The following ZNF91 variants were observed in gnomAD, a reference collection of about 807,000 sequenced individuals.
The protein encoded by ZNF91 is zinc finger protein 91 (HPF7, HTF10).
ZNF91 carries 7 observed loss-of-function variants against 12.6 expected under a neutral mutation model. The observed-to-expected ratio is 0.55, with a 90% CI of 0.31 to 1.04. The LOEUF (loss-of-function observed/expected upper bound fraction) is 1.04. ZNF91 is among the 50% of genes least tolerant of loss of function. The probability of loss-of-function intolerance (pLI) is 0.05; values close to 1 mark genes in which losing one functional copy is unlikely to be tolerated. For synonymous variants in ZNF91, 453 were observed against 462.6 expected, an observed-to-expected ratio of 0.98 and a Z score of 0.27; for missense variants, 1,217 against 1,385.4, an observed-to-expected ratio of 0.88 and a Z score of 1.93.
intron 1 of ZNF91, among the ~76,000 whole-genome samples, chr19:23,383,913 T>G (rs1294736579): frequency 1.3e-5 from 2 of 151,812 alleles, no homozygotes; most frequent in Non-Finnish European, 2.9e-5. Flanking sequence ...AGTTCGAGAC[T>G]AGCCTGACCA....
At chr19:23,374,795 C>A in intron 1 of ZNF91, 31 bp from the exon 2 acceptor site, 1 of 1,601,142 alleles carries the variant, frequency 6.2e-7, no homozygotes, top group Non-Finnish European at 8.5e-7. Context: ...CACATATTTA[C>A]AAAGTGGCTA....
intron 3 of ZNF91, among the ~76,000 whole-genome samples, chr19:23,306,574 G>A (rs1030684441): frequency 6.6e-6 from 1 of 152,200 alleles, no homozygotes; most frequent in Admixed American, 6.5e-5. Flanking sequence ...TCCCTTGTCT[G>A]TGTCTGGCCC....
intron 3 of ZNF91, chr19:23,339,144 G>T (rs2145879705): frequency 6.6e-6 from 1 of 151,468 alleles, no homozygotes; most frequent in South Asian, 2.1e-4. Flanking sequence ...CACCTTACTT[G>T]TAAGACACAT....
intron 3 of ZNF91, among the ~76,000 whole-genome samples, chr19:23,368,552 C>CTATATATA (rs1452832461): frequency 1.1e-4 from 9 of 79,232 alleles, no homozygotes; most frequent in African/African-American, 5.4e-4. Flanking sequence ...CTCTCTCTCT[C>CTATATATA]TCTCTCTCTC....
At chr19:23,318,120 T>C (rs1967607872) in intron 1 of ZNF91, among the ~76,000 whole-genome samples, 1 of 152,200 alleles carries the variant, frequency 6.6e-6, no homozygotes, top group Non-Finnish European at 1.5e-5. Flanking sequence ...CTAGGCCTTA[T>C]ATTCAGTTAA....
chr19:23,328,034 A>C (rs1006477051), intron 1 of ZNF91: 5 of 152,008 alleles, frequency 3.3e-5, no homozygotes, highest in Non-Finnish European at 7.4e-5. Flanking sequence ...GTTTTTTACT[A>C]CCAAATTTAC....
downstream of ZNF91, among the ~76,000 whole-genome samples, chr19:23,354,794 C>T (rs1392456554): frequency 6.6e-6 from 1 of 152,102 alleles, no homozygotes; most frequent in Admixed American, 6.6e-5. Context: ...GATTAATGTA[C>T]ACAACTCAGT....
chr19:23,345,783 G>T (rs1050380066), intron 3 of ZNF91, among the ~76,000 whole-genome samples: 2 of 151,984 alleles, frequency 1.3e-5, no homozygotes, highest in African/African-American at 4.8e-5. Flanking sequence ...CCAGTCAGCA[G>T]TATCCACTTC....
intron 1 of ZNF91, among the ~76,000 whole-genome samples, chr19:23,382,333 GAAGA>G (rs1969746977): frequency 6.6e-6 from 1 of 152,142 alleles, no homozygotes; most frequent in Non-Finnish European, 1.5e-5. Context: ...AGAAAAAACA[GAAGA>G]GAGAAAGGTG....
chr19:23,359,947 C>A lies in ZNF91; in HGVS notation c.3032G>T (p.Arg1011Ile), dbSNP rs1821844. 2 of 1,599,900 alleles carry A rather than the reference C, an allele frequency of 1.3e-6. No individual in the cohort carries two copies. The highest frequency in any genetic ancestry group is 1.7e-6 in the Non-Finnish European group (2 of 1,175,408). The change falls in exon 4 of 4, where the codon AGA (arginine) becomes ATA (isoleucine). Residue 1011 changes from arginine to isoleucine, a missense_variant. Coordinates refer to ENST00000300619, the MANE Select transcript of ZNF91 (RefSeq NM_003430.4). ...CTCTCCAGTGTGCATCCTCGTATGT[C>A]TAGTTAGGGTTGAGGATTGGCTAAA... ...KAFSQSSTLT[R>I]HTRMHTGEKP...
At chr19:23,320,419 A>G (rs1317865255) in intron 1 of ZNF91, among the ~76,000 whole-genome samples, 2 of 152,200 alleles carry the variant, frequency 1.3e-5, no homozygotes, top group African/African-American at 2.4e-5. Flanking sequence ...TAATTTAGGT[A>G]GAAAAGGGAT....
intron 3 of ZNF91, among the ~76,000 whole-genome samples, chr19:23,341,077 C>T (rs295395): frequency 0.11 from 15,234 of 138,394 alleles, 1,197 homozygotes; most frequent in East Asian, 0.4. Flanking sequence ...TTTTTTGAGA[C>T]GGAGTCTTAG....
intron 3 of ZNF91, among the ~76,000 whole-genome samples, chr19:23,306,507 C>T (rs1291591739): frequency 1.3e-5 from 2 of 148,942 alleles, no homozygotes; most frequent in Non-Finnish European, 3.0e-5. Context: ...TCTGCTTTGT[C>T]GCTGCCCACA....
chr19:23,389,290 A>T (rs1018281686), intron 1 of ZNF91, among the ~76,000 whole-genome samples: 2 of 152,180 alleles, frequency 1.3e-5, no homozygotes, highest in African/African-American at 4.8e-5. Flanking sequence ...GAGTTTATAA[A>T]CAGGTGGTCC....
intron 1 of ZNF91, among the ~76,000 whole-genome samples, chr19:23,392,482 A>G (rs988362271): frequency 2.0e-5 from 3 of 152,066 alleles, no homozygotes; most frequent in Non-Finnish European, 4.4e-5. Context: ...ATTTAGCATT[A>G]AACTCAAAAA....
chr19:23,321,921 A>T (rs943261054), intron 1 of ZNF91, among the ~76,000 whole-genome samples: 3 of 152,156 alleles, frequency 2.0e-5, no homozygotes, highest in Non-Finnish European at 4.4e-5. Context: ...ATCTCTTTCT[A>T]CAGGGGGCAT....
chr19:23,361,160 A>G lies in ZNF91; in HGVS notation c.1819T>C (p.Cys607Arg). Residue 607 changes from cysteine (C) to arginine (R), a missense_variant, in exon 4 of 4, where the codon TGT becomes CGT. Cys to Arg is a radical substitution (Grantham distance 180, BLOSUM62 -3). This residue lies in a region of ZNF91 where 726 missense variants were observed against 895.5 expected (regional missense o/e 0.81). Transcript: ENST00000300619. Reference protein sequence around the residue: ...TGEKSYKCEECGKAFLWSSTL... With the variant: ...TGEKSYKCEERGKAFLWSSTL... ...GAGGACCATAGAAATGCTTTGCCAC[A>G]TTCTTCACACTTGTAAGACTTCTCT... The G allele has an allele frequency of 6.2e-7, 1 of 1,613,710 alleles. No homozygotes were observed. The highest frequency in any genetic ancestry group is 8.5e-7 in the Non-Finnish European group (1 of 1,179,876).
intron 1 of ZNF91, among the ~76,000 whole-genome samples, chr19:23,393,815 C>T (rs1970145315): frequency 6.6e-6 from 1 of 152,076 alleles, no homozygotes; most frequent in East Asian, 1.9e-4. Flanking sequence ...GCCTGGCCAA[C>T]ATAGTGAAAC....
chr19:23,384,369 C>T (rs969050748), intron 1 of ZNF91, among the ~76,000 whole-genome samples: 3 of 152,120 alleles, frequency 2.0e-5, no homozygotes, highest in Non-Finnish European at 4.4e-5. Context: ...TGCAGGTCAC[C>T]GCCCACCACG....
Sources: allele counts gnomAD v4.1 joint callset (sites outside exome capture counted in the v4.1 genomes callset), GRCh38; gene constraint gnomAD v4.1.1; regional missense constraint gnomAD v4.1.1; transcripts MANE v1.5; gene names NCBI Gene and HGNC (gene_info 2026-07-23, HGNC 2026-07-21).